PIK3AP1: variants seen among roughly 807,000 people sequenced by gnomAD.
PIK3AP1 encodes the protein phosphoinositide-3-kinase adaptor protein 1.
A neutral mutation model predicts 88.1 loss-of-function variants in PIK3AP1; 21 were observed. That is an observed-to-expected ratio of 0.24 (90% CI 0.17 to 0.34). The LOEUF (loss-of-function observed/expected upper bound fraction) is 0.34. PIK3AP1 is among the 10% of genes least tolerant of loss of function. The pLI is 1.00. For missense variants in PIK3AP1, 828 were observed against 1,035.7 expected (o/e 0.80, Z 2.75); for synonymous variants, 398 against 400.0 (o/e 1.00, Z 0.06).
chr10:96,698,968 G>A (rs978720429), intron 2 of PIK3AP1, among the ~76,000 whole-genome samples: 3 of 151,778 alleles, frequency 2.0e-5, no homozygotes, highest in African/African-American at 4.8e-5. Flanking sequence ...ACCTGAGGTC[G>A]GGAGTTTGAG....
At chr10:96,628,879 T>TATACATATAC (rs1564961151) in intron 8 of PIK3AP1, among the ~76,000 whole-genome samples, 199 of 10,422 alleles carry the variant, frequency 0.019, 25 homozygotes, top group Non-Finnish European at 0.052. Flanking sequence ...TATACACATA[T>TATACATATAC]ATATATATAC....
chr10:96,643,971 C>T (rs149845065), intron 8 of PIK3AP1, among the ~76,000 whole-genome samples: 7 of 152,272 alleles, frequency 4.6e-5, no homozygotes, highest in East Asian at 3.9e-4. Flanking sequence ...GTGGTGCCTC[C>T]GCATGCTTAG....
intron 7 of PIK3AP1, 86 bp from the exon 8 acceptor site, chr10:96,645,748 CA>C: frequency 8.6e-7 from 1 of 1,160,106 alleles, no homozygotes; most frequent in Non-Finnish European, 1.2e-6. Flanking sequence ...TTGTGGCCAG[CA>C]AAGTAAAGGC....
intron 2 of PIK3AP1, among the ~76,000 whole-genome samples, chr10:96,708,209 A>C (rs1352759186): frequency 6.6e-6 from 1 of 152,176 alleles, no homozygotes; most frequent in Non-Finnish European, 1.5e-5. Context: ...TCAGGTATAT[A>C]AGATCTCATG....
intron 2 of PIK3AP1, among the ~76,000 whole-genome samples, chr10:96,670,167 AAAAAAAAG>A (rs1418749270): frequency 1.3e-5 from 2 of 151,276 alleles, no homozygotes; most frequent in South Asian, 2.1e-4. Context: ...AAAAAAAAAA[AAAAAAAAG>A]AGAGAGAGAG....
At chr10:96,616,772 G>C in intron 12 of PIK3AP1, 61 bp from the exon 13 acceptor site, 1 of 1,498,722 alleles carries the variant, frequency 6.7e-7, no homozygotes, top group East Asian at 2.3e-5. Context: ...CTGGACATGA[G>C]AGTTTCTTTC....
chr10:96,604,378 T>C (rs943111990), intron 14 of PIK3AP1, among the ~76,000 whole-genome samples: 1 of 62,938 alleles, frequency 1.6e-5, no homozygotes, highest in Admixed American at 2.0e-4. Flanking sequence ...TTTTTTTTTT[T>C]GTAGCAACAG....
chr10:96,606,264 C>T (rs1427981150), intron 14 of PIK3AP1, among the ~76,000 whole-genome samples: 1 of 152,176 alleles, frequency 6.6e-6, no homozygotes, highest in Non-Finnish European at 1.5e-5. Context: ...TCAAAACCTC[C>T]CCACATTCCC....
At chr10:96,719,547 C>G (rs1844544829) in intron 1 of PIK3AP1, among the ~76,000 whole-genome samples, 1 of 152,178 alleles carries the variant, frequency 6.6e-6, no homozygotes, top group African/African-American at 2.4e-5. Flanking sequence ...AGAGCAGAGA[C>G]TAGGTGTTTC....
chr10:96,697,856 C>A (rs918745300), intron 2 of PIK3AP1, among the ~76,000 whole-genome samples: 2 of 152,126 alleles, frequency 1.3e-5, no homozygotes, highest in Non-Finnish European at 2.9e-5. Flanking sequence ...TTTTGTATAT[C>A]CTTTCAGGAA....
intron 2 of PIK3AP1, among the ~76,000 whole-genome samples, chr10:96,678,487 C>G (rs1843955955): frequency 6.6e-6 from 1 of 152,068 alleles, no homozygotes. Context: ...CCAGGTTGGT[C>G]TCGAACTCCT....
rs1328724070 is a variant in PIK3AP1 at position 96,607,317 on chromosome 10, A to T, written c.2170+2395T>A. Among the ~76,000 whole-genome samples the T allele has an allele frequency of 2.0e-5, 3 of 152,184 alleles. No homozygotes were observed. The East Asian group carries it at 5.8e-4, about 29-fold the overall frequency. On this transcript the variant is annotated intron_variant, in intron 14 of 16. Transcript: ENST00000339364. ...CTTGCTTGCCAAGAGACTTGGGGCA[A>T]GTTGCCTACCCTTTCTGCTCCATTT...
chr10:96,662,530 G>A (rs1843702180), intron 2 of PIK3AP1, among the ~76,000 whole-genome samples: 1 of 150,866 alleles, frequency 6.6e-6, no homozygotes, highest in Non-Finnish European at 1.5e-5. Context: ...TTGAACCCAG[G>A]AGGCAGAGAT....
In PIK3AP1 at chr10:96,602,266, A is replaced by G. The variant is rs748154918; in HGVS notation, c.2360+14T>C. 6 of 1,573,918 alleles carry G rather than the reference A, an allele frequency of 3.8e-6. No homozygotes were observed. Among genetic ancestry groups the G allele is most frequent in the Middle Eastern group, 1.7e-4 (1 of 5,964 alleles). ...AGAGATAAGGGAAAAATTTCATATC[A>G]GTTTTGATGTTACCTCTGTGAGGCA... On this transcript the variant is annotated intron_variant, in intron 16 of 16. Coordinates refer to ENST00000339364, the MANE Select transcript of PIK3AP1 (RefSeq NM_152309.3).
At chr10:96,711,970 G>A (rs962275485) in intron 1 of PIK3AP1, among the ~76,000 whole-genome samples, 7 of 151,372 alleles carry the variant, frequency 4.6e-5, no homozygotes, top group African/African-American at 1.7e-4. Flanking sequence ...TAGCCAGGAT[G>A]GTCTCGATCT....
intron 2 of PIK3AP1, among the ~76,000 whole-genome samples, chr10:96,678,284 A>G (rs1424733433): frequency 6.6e-6 from 1 of 152,038 alleles, no homozygotes; most frequent in Non-Finnish European, 1.5e-5. Flanking sequence ...AAATACAAAA[A>G]ATTAGCTAGG....
intron 9 of PIK3AP1, among the ~76,000 whole-genome samples, chr10:96,627,894 A>C (rs188950584): frequency 2.0e-5 from 3 of 152,188 alleles, no homozygotes; most frequent in Admixed American, 2.0e-4. Flanking sequence ...AACTTGCCTA[A>C]GGTTTTCCAG....
At chr10:96,699,310 C>T (rs923083678) in intron 2 of PIK3AP1, among the ~76,000 whole-genome samples, 2 of 152,040 alleles carry the variant, frequency 1.3e-5, no homozygotes, top group Non-Finnish European at 2.9e-5. Flanking sequence ...ACTGAACATT[C>T]GAAATCTGTG....
At chr10:96,716,016 C>G (rs919496492) in intron 1 of PIK3AP1, among the ~76,000 whole-genome samples, 3 of 152,152 alleles carry the variant, frequency 2.0e-5, no homozygotes, top group Admixed American at 2.0e-4. Context: ...AACAGTGGCT[C>G]ACATCTGTAA....
Sources: allele counts gnomAD v4.1 joint callset (sites outside exome capture counted in the v4.1 genomes callset), GRCh38; gene constraint gnomAD v4.1.1; transcripts MANE v1.5; gene names NCBI Gene and HGNC (gene_info 2026-07-23, HGNC 2026-07-21).